The following DIP2B variants were observed in gnomAD, a reference collection of about 807,000 sequenced individuals.
DIP2B encodes DIP2 acetate--CoA ligase B (putative), also known as disco-interacting protein 2 homolog B.
DIP2B carries 76 observed loss-of-function variants against 198.0 expected under a neutral mutation model. That is an observed-to-expected ratio of 0.38 (90% confidence interval 0.32 to 0.46). The LOEUF (loss-of-function observed/expected upper bound fraction) is 0.46. DIP2B is among the 20% of genes least tolerant of loss of function. DIP2B has a pLI of 0.99. For synonymous variants in DIP2B, 701 were observed against 739.1 expected, an observed-to-expected ratio of 0.95 and a Z score of 0.84; for missense variants, 1,559 against 1,978.4, an observed-to-expected ratio of 0.79 and a Z score of 4.02.
intron 9 of DIP2B, 114 bp from the exon 10 acceptor site, chr12:50,683,024 T>A: frequency 1.1e-6 from 1 of 911,990 alleles, no homozygotes; most frequent in Non-Finnish European, 1.6e-6. Flanking sequence ...AGATGGCTGT[T>A]AAATAGTTTG....
intron 28 of DIP2B, among the ~76,000 whole-genome samples, chr12:50,727,072 C>G (rs1196141235): frequency 6.6e-6 from 1 of 152,030 alleles, no homozygotes; most frequent in Admixed American, 6.5e-5. Context: ...GACCCGAGAT[C>G]GAGCCACTGC....
intron 1 of DIP2B, among the ~76,000 whole-genome samples, chr12:50,543,555 C>T (rs1958346286): frequency 1.3e-5 from 2 of 151,466 alleles, no homozygotes; most frequent in Admixed American, 6.6e-5. Flanking sequence ...TCCCAAAGTG[C>T]TGGGATTACA....
At chr12:50,537,471 G>A (rs967689240) in intron 1 of DIP2B, among the ~76,000 whole-genome samples, 1 of 152,128 alleles carries the variant, frequency 6.6e-6, no homozygotes, top group African/African-American at 2.4e-5. Flanking sequence ...ACAAACATCT[G>A]AGTTGCCGGT....
intron 1 of DIP2B, among the ~76,000 whole-genome samples, chr12:50,577,356 C>T (rs1020261332): frequency 1.5e-4 from 23 of 151,914 alleles, no homozygotes; most frequent in Admixed American, 5.2e-4. Context: ...ACAGTGAAAC[C>T]CTGCCTCTAC....
In DIP2B at chr12:50,732,456, C is replaced by T. The variant is rs1337655165; in HGVS notation, c.3901C>T (p.Leu1301Phe). The change falls in exon 32 of 38, where the codon CTC (leucine) becomes TTC (phenylalanine). Residue 1301 changes from leucine (L) to phenylalanine (F), a missense_variant. By Grantham distance (22) the Leu-to-Phe change is conservative. Transcript: ENST00000301180. ...RVALQQSFSK[L>F]FKDIGLSPRA... Reference sequence around the variant, plus strand: ...TGCACTCCAGCAGTCCTTCTCTAAGCTCTTCAAAGACATCGGGCTGTCCCC... The same window carrying T: ...TGCACTCCAGCAGTCCTTCTCTAAGTTCTTCAAAGACATCGGGCTGTCCCC... The T allele has an allele frequency of 2.5e-6, 4 of 1,614,134 alleles. No homozygotes were observed. The highest frequency in any genetic ancestry group is 1.7e-5 in the Admixed American group (1 of 60,008).
intron 30 of DIP2B, 68 bp from the exon 31 acceptor site, chr12:50,731,298 TTGG>T: frequency 1.9e-6 from 3 of 1,542,332 alleles, no homozygotes; most frequent in Non-Finnish European, 1.8e-6. Flanking sequence ...ATCTGTGGAA[TTGG>T]TGGGGTTCTG....
At chr12:50,652,346 TAC>T (rs34791599) in intron 3 of DIP2B, among the ~76,000 whole-genome samples, 93,103 of 140,222 alleles carry the variant, frequency 0.66, 31,174 homozygotes, top group East Asian at 0.95. Context: ...ATATATATAA[TAC>T]ACACACACAC....
At chr12:50,722,424 T>C (rs1296715086) in intron 26 of DIP2B, among the ~76,000 whole-genome samples, 2 of 152,066 alleles carry the variant, frequency 1.3e-5, no homozygotes, top group African/African-American at 4.8e-5. Flanking sequence ...CAGCTAATTT[T>C]TGTATTTTTA....
chr12:50,506,789 T>C (rs78128522), intron 1 of DIP2B, among the ~76,000 whole-genome samples: 10,984 of 152,266 alleles, frequency 0.072, 859 homozygotes, highest in East Asian at 0.38. Flanking sequence ...GACTAAAGCA[T>C]TGACATTAAA....
rs191995996 is a variant in DIP2B, at chr12:50,524,342, C to A, written c.100+19102C>A. Among the ~76,000 whole-genome samples the A allele has an allele frequency of 2.2e-3, 336 of 152,256 alleles. 2 individuals are homozygous for A. The highest frequency in any genetic ancestry group is 3.4e-3 in the Non-Finnish European group (229 of 68,000). ...CTGCAAATTAGGTCATATTACTTCC[C>A]CGCTTTATAGCTCTTCCATGAATTC... On this transcript the variant is annotated intron_variant, in intron 1 of 37. Transcript: ENST00000301180.
At chr12:50,568,900 A>G (rs1409131647) in intron 1 of DIP2B, among the ~76,000 whole-genome samples, 5 of 152,210 alleles carry the variant, frequency 3.3e-5, no homozygotes, top group African/African-American at 1.2e-4. Context: ...GCTTCTTCCA[A>G]ATTAGAATAA....
intron 3 of DIP2B, among the ~76,000 whole-genome samples, chr12:50,643,776 A>G (rs570948724): frequency 1.3e-5 from 2 of 152,252 alleles, no homozygotes; most frequent in East Asian, 1.9e-4. Context: ...AGGCAGGAGG[A>G]TTGCTTGAGA....
rs1940113490 is a variant in DIP2B at position 50,735,095 on chromosome 12, G to A, written c.4066G>A (p.Ala1356Thr). 7 of 1,614,086 alleles carry A rather than the reference G, an allele frequency of 4.3e-6. No individual in the cohort carries two copies. Among genetic ancestry groups the A allele is most frequent in the South Asian group, 1.1e-5 (1 of 91,084 alleles). Residue 1356 changes from alanine (A) to threonine (T), a missense_variant, in exon 34 of 38, where the codon GCC (alanine) becomes ACC (threonine). Transcript: ENST00000301180. ...HDRVRLVERGAPQSLLLSESG... is the reference protein window; with the variant it reads ...HDRVRLVERGTPQSLLLSESG... ...CAGGGTTCGTCTCGTGGAACGTGGC[G>A]CCCCTCAGAGTTTGCTTCTCTCAGA...
At chr12:50,638,161 T>C (rs1938192421) in intron 2 of DIP2B, among the ~76,000 whole-genome samples, 1 of 152,232 alleles carries the variant, frequency 6.6e-6, no homozygotes, top group African/African-American at 2.4e-5. Context: ...GCAAGTTGTC[T>C]TTTTCTTCGG....
chr12:50,595,665 G>T (rs1328008790), intron 1 of DIP2B, among the ~76,000 whole-genome samples: 1 of 152,188 alleles, frequency 6.6e-6, no homozygotes, highest in African/African-American at 2.4e-5. Context: ...GGCCATTGAG[G>T]AGAATACTAC....
intron 1 of DIP2B, among the ~76,000 whole-genome samples, chr12:50,509,206 T>C (rs1221222488): frequency 2.0e-5 from 3 of 152,198 alleles, no homozygotes; most frequent in African/African-American, 4.8e-5. Flanking sequence ...GGTGGAGTTA[T>C]GTACAGAGGC....
At chr12:50,573,716 C>T (rs80069887) in intron 1 of DIP2B, among the ~76,000 whole-genome samples, 28 of 152,270 alleles carry the variant, frequency 1.8e-4, no homozygotes, top group African/African-American at 6.5e-4. Context: ...ATGGTTAGTC[C>T]AATTTTGTTT....
intron 23 of DIP2B, among the ~76,000 whole-genome samples, chr12:50,717,737 T>C (rs532280584): frequency 6.6e-6 from 1 of 151,634 alleles, no homozygotes; most frequent in East Asian, 2.0e-4. Flanking sequence ...TAAAGATGTC[T>C]ACCACCATAC....
chr12:50,681,440 C>CA (rs202061084), intron 9 of DIP2B, among the ~76,000 whole-genome samples: 12 of 149,254 alleles, frequency 8.0e-5, no homozygotes, highest in South Asian at 2.1e-4. Context: ...ACAACAACAA[C>CA]AACAAAAAAA....
Sources: gnomAD v4.1 joint callset for allele counts (sites outside exome capture counted in the v4.1 genomes callset) on GRCh38, gnomAD v4.1.1 for gene constraint, MANE v1.5 for transcripts, NCBI Gene and HGNC (gene_info 2026-07-23, HGNC 2026-07-21) for gene names.